TAOK1: variants seen among roughly 807,000 people sequenced by gnomAD.
TAOK1 encodes serine/threonine-protein kinase TAO1.
A neutral mutation model predicts 138.3 loss-of-function variants in TAOK1; 21 were observed. That is an observed-to-expected ratio of 0.15 (90% CI 0.11 to 0.22). The LOEUF is 0.22. Ranked by LOEUF, TAOK1 falls within the 10% of genes least tolerant of loss-of-function variation. TAOK1 has a pLI of 1.00. For synonymous variants in TAOK1, 361 were observed against 398.4 expected (o/e 0.91, Z 1.12); for missense variants, 651 against 1,227.7 (o/e 0.53, Z 7.02).
At chr17:29,434,099 C>G (rs984679228) in intron 1 of TAOK1, among the ~76,000 whole-genome samples, 1 of 152,106 alleles carries the variant, frequency 6.6e-6, no homozygotes, top group South Asian at 2.1e-4. Flanking sequence ...ATACTGAGGC[C>G]TTTTACCAAT....
At chr17:29,440,574 CT>C (rs1167686181) in intron 1 of TAOK1, among the ~76,000 whole-genome samples, 5,641 of 145,584 alleles carry the variant, frequency 0.039, 334 homozygotes, top group African/African-American at 0.13. Flanking sequence ...ATATCAATTA[CT>C]TTTTTTTTTT....
intron 1 of TAOK1, among the ~76,000 whole-genome samples, chr17:29,435,441 A>G (rs558983227): frequency 5.3e-5 from 8 of 152,336 alleles, no homozygotes; most frequent in Admixed American, 4.6e-4. Flanking sequence ...AAGAATAATT[A>G]TGTCTACATA....
chr17:29,405,510 G>A (rs1904964733), intron 1 of TAOK1, among the ~76,000 whole-genome samples: 1 of 152,164 alleles, frequency 6.6e-6, no homozygotes, highest in Admixed American at 6.6e-5. Context: ...CAGGAGTGGT[G>A]GCTCATGCCT....
In TAOK1 at chr17:29,543,061, G is replaced by T; in HGVS notation, c.*39G>T. 1 of 1,488,818 alleles carries T rather than the reference G, an allele frequency of 6.7e-7. No individual in the cohort carries two copies. Among genetic ancestry groups the T allele is most frequent in the Non-Finnish European group, 9.0e-7 (1 of 1,109,254 alleles). The allele number at this position is 1,488,818 out of a possible 1,614,324, so 92.2% of individuals were successfully genotyped here. ...AGTGGCAATTCCGCTGGAGCTGTCT[G>T]CCAAAAGAAACTGCCTACAGACATC... On this transcript the variant is annotated 3_prime_UTR_variant, in exon 20 of 20. Coordinates refer to ENST00000261716, the MANE Select transcript of TAOK1 (RefSeq NM_020791.4).
intron 13 of TAOK1, among the ~76,000 whole-genome samples, 179 bp downstream of exon 13, chr17:29,502,902 C>T (rs1047385104): frequency 6.6e-6 from 1 of 152,084 alleles, no homozygotes; most frequent in Non-Finnish European, 1.5e-5. Flanking sequence ...AAATGTTAAA[C>T]TAACAATGTC....
At chr17:29,492,677 A>G (rs921980567) in intron 10 of TAOK1, among the ~76,000 whole-genome samples, 3 of 152,170 alleles carry the variant, frequency 2.0e-5, no homozygotes, top group African/African-American at 7.2e-5. Context: ...CTGTAGTCCC[A>G]GCTACTCGGG....
At position 29,480,408 on chromosome 17, in the gene TAOK1, C is replaced by A. The variant is rs2153026772; in HGVS notation, c.490C>A (p.Gln164Lys). Residue 164 changes from glutamine to lysine, a missense_variant, in exon 7 of 20, where the codon CAG (glutamine) becomes AAG (lysine). Physicochemically the swap from Gln to Lys is moderately conservative, Grantham distance 53. Coordinates refer to ENST00000261716, the MANE Select transcript of TAOK1 (RefSeq NM_020791.4). Reference protein sequence around the residue: ...AGNILLTEPGQVKLADFGSAS... With the variant: ...AGNILLTEPGKVKLADFGSAS... ...AAATATCCTTCTGACAGAACCAGGCCAGGTGAAACTTGCTGACTTTGGCTC... is the reference window on the plus strand; with the variant it reads ...AAATATCCTTCTGACAGAACCAGGCAAGGTGAAACTTGCTGACTTTGGCTC... 4.3e-6 allele frequency: 7 copies of A among 1,612,984 alleles called. No individual in the cohort carries two copies. The highest frequency in any genetic ancestry group is 5.9e-6 in the Non-Finnish European group (7 of 1,179,252).
Position 29,491,837 on chromosome 17 carries a change from A to G in TAOK1, c.803A>G (p.Asp268Gly). Residue 268 changes from aspartate to glycine, a missense_variant, in exon 10 of 20, where the codon GAT becomes GGT. Asp to Gly is a moderately conservative substitution (Grantham distance 94). Coordinates refer to ENST00000261716, the MANE Select transcript of TAOK1 (RefSeq NM_020791.4). ...VDSCLQKIPQ[D>G]RPTSEELLKH... Reference sequence around the variant, plus strand: ...TCTTGCCTCCAGAAAATCCCTCAAGATCGACCTACATCAGAGGAACTTTTA... The same window carrying G: ...TCTTGCCTCCAGAAAATCCCTCAAGGTCGACCTACATCAGAGGAACTTTTA... 1 of 1,613,496 alleles carries G rather than the reference A, an allele frequency of 6.2e-7. No homozygotes were observed. Among genetic ancestry groups the G allele is most frequent in the Non-Finnish European group, 8.5e-7 (1 of 1,179,606 alleles).
chr17:29,512,179 C>G (rs1404911312), intron 15 of TAOK1: 1 of 147,940 alleles, frequency 6.8e-6, no homozygotes, highest in South Asian at 2.2e-4. Flanking sequence ...CTCAACCCCC[C>G]CGAGTAGCTG....
chr17:29,490,334 T>C (rs1184756714), intron 9 of TAOK1, among the ~76,000 whole-genome samples: 2 of 152,106 alleles, frequency 1.3e-5, no homozygotes, highest in Non-Finnish European at 2.9e-5. Flanking sequence ...GGACAACAGA[T>C]TGACAATTTT....
In TAOK1 at chr17:29,543,889, CCT is replaced by C. The variant is rs2032360079; in HGVS notation, c.*868_*869del. ...GGAAGACCAGAAGGGTGAGAGGGGC[CCT>C]GAAAGTTCATATGGTGGGTATGTCC... On this transcript the variant is annotated 3_prime_UTR_variant, in exon 20 of 20. Transcript: ENST00000261716. 1 of 152,018 alleles carries C rather than the reference CCT, an allele frequency of 6.6e-6. No homozygotes were observed. Among genetic ancestry groups the C allele is most frequent in the African/African-American group, 2.4e-5 (1 of 41,376 alleles). 9.4% of individuals were successfully genotyped at this position (152,018 alleles called of 1,614,324 possible).
intron 2 of TAOK1, among the ~76,000 whole-genome samples, chr17:29,458,759 A>G (rs533090951): frequency 2.6e-5 from 4 of 152,274 alleles, no homozygotes; most frequent in Admixed American, 6.5e-5. Context: ...CAGTATTGCA[A>G]TCTCGCCCCA....
chr17:29,410,199 T>C (rs1351219232), intron 1 of TAOK1, among the ~76,000 whole-genome samples: 5 of 152,202 alleles, frequency 3.3e-5, no homozygotes, highest in Admixed American at 2.0e-4. Flanking sequence ...TAATAATACT[T>C]TCCACATAGT....
intron 19 of TAOK1, among the ~76,000 whole-genome samples, chr17:29,537,010 A>G (rs1403097852): frequency 6.6e-6 from 1 of 152,098 alleles, no homozygotes; most frequent in East Asian, 1.9e-4. Context: ...ATCTCATTCC[A>G]TCTTTTATAT....
At chr17:29,472,874 C>A (rs2030858237) in intron 3 of TAOK1, among the ~76,000 whole-genome samples, 2 of 152,342 alleles carry the variant, frequency 1.3e-5, no homozygotes, top group South Asian at 4.1e-4. Flanking sequence ...CTGTGCCCTG[C>A]TGGCCTTTCT....
chr17:29,537,719 C>T (rs1046424023), intron 19 of TAOK1, among the ~76,000 whole-genome samples: 1 of 151,086 alleles, frequency 6.6e-6, no homozygotes, highest in Non-Finnish European at 1.5e-5. Flanking sequence ...ATCCAAATTA[C>T]AGGAAAAAAG....
Position 29,422,960 on chromosome 17 carries a change from G to A in TAOK1, c.-94-28495G>A, listed in dbSNP as rs78943577. The stretch of plus-strand genomic sequence containing the variant: ...GAATCACTTCAATCTGGGAGGCAAA[G>A]GTTGCAGTGAGTTGAGATCGCCTCA... On this transcript the variant is annotated intron_variant, in intron 1 of 19. Transcript: ENST00000261716. Among the ~76,000 whole-genome samples, 759 of 152,270 alleles carry A rather than the reference G, an allele frequency of 5.0e-3. 12 individuals carry two copies. The highest frequency in any genetic ancestry group is 0.047 in the East Asian group (242 of 5,176).
chr17:29,513,047 T>G, intron 15 of TAOK1: 1 of 105,908 alleles, frequency 9.4e-6, no homozygotes, highest in African/African-American at 3.7e-5. Flanking sequence ...ATATGTCTTT[T>G]AATTTACCCA....
chr17:29,543,169 CTGTTT>C lies in TAOK1; in HGVS notation c.*151_*155del. 2 of 738,108 alleles carry C rather than the reference CTGTTT, an allele frequency of 2.7e-6. 1 individual carries two copies. Among genetic ancestry groups the C allele is most frequent in the South Asian group, 5.3e-5 (2 of 37,826 alleles). 45.7% of individuals were successfully genotyped at this position (738,108 alleles called of 1,614,324 possible). On this transcript the variant is annotated 3_prime_UTR_variant, in exon 20 of 20. Transcript: ENST00000261716. ...ATTTTATTCATTTTTGTAAAGCGTT[CTGTTT>C]TGTGTTTACTAATTGGGATGTCATA...
Sources: allele counts gnomAD v4.1 joint callset (sites outside exome capture counted in the v4.1 genomes callset), GRCh38; gene constraint gnomAD v4.1.1; transcripts MANE v1.5; gene names NCBI Gene and HGNC (gene_info 2026-07-23, HGNC 2026-07-21).